Variants in FAP observed in about 807,000 individuals in gnomAD.
The protein encoded by FAP is prolyl endopeptidase FAP.
A neutral mutation model predicts 126.5 loss-of-function variants in FAP; 110 were observed. That is an observed-to-expected ratio of 0.87 (90% CI 0.74 to 1.02). The LOEUF (loss-of-function observed/expected upper bound fraction) is 1.02. FAP is among the 50% of genes least tolerant of loss of function. The pLI, the probability that FAP is intolerant of heterozygous loss-of-function variation, is 0.00. For missense variants in FAP, 919 were observed against 909.2 expected (o/e 1.01, Z -0.14); for synonymous variants, 334 against 297.3 (o/e 1.12, Z -1.27).
intron 17 of FAP, among the ~76,000 whole-genome samples, chr2:162,192,405 C>T (rs1456596139): frequency 6.6e-6 from 1 of 151,996 alleles, no homozygotes; most frequent in Non-Finnish European, 1.5e-5. Context: ...TCCACAATAC[C>T]ATACTCTCAA....
At chr2:162,205,080 TTTGGCC>T (rs1688652233) in intron 12 of FAP, among the ~76,000 whole-genome samples, 2 of 152,166 alleles carry the variant, frequency 1.3e-5, no homozygotes, top group African/African-American at 4.8e-5. Flanking sequence ...TGCTTCTGCG[TTTGGCC>T]TATAAAAGGT....
chr2:162,193,280 C>T (rs747574906), intron 17 of FAP, among the ~76,000 whole-genome samples: 3 of 152,052 alleles, frequency 2.0e-5, no homozygotes, highest in South Asian at 2.1e-4. Flanking sequence ...CCTGGGAATC[C>T]GTATTTATAA....
rs780191519 is a variant in FAP, at chr2:162,188,311, T to C, written c.1672A>G (p.Ile558Val). 2.5e-6 allele frequency: 4 copies of C among 1,613,042 alleles called. No homozygotes were observed. ...CCTTCCTTACTTGCAAGATAAGATA[T>C]CCAATTAACAGCAAATACAGACCTT... ...SVRSVFAVNW[I>V]SYLASKEGMV... Residue 558 changes from isoleucine to valine, a missense_variant, in exon 20 of 26, where the codon ATA becomes GTA. Coordinates refer to ENST00000188790, the MANE Select transcript of FAP (RefSeq NM_004460.5).
chr2:162,214,116 T>C, intron 10 of FAP, 43 bp from the exon 11 acceptor site: 1 of 1,598,228 alleles, frequency 6.3e-7, no homozygotes, highest in Non-Finnish European at 8.5e-7. Context: ...CATAAACCAG[T>C]TTCACACACA....
rs565649871 is a variant in FAP, at chr2:162,223,582, A to G, written c.413+26T>C. Reference sequence around the variant, plus strand: ...AACATTCTAGGTATTAGATTTAAGTAGTATTAATAAACAGAGGTGATTTAC... The same window carrying G: ...AACATTCTAGGTATTAGATTTAAGTGGTATTAATAAACAGAGGTGATTTAC... On this transcript the variant is annotated intron_variant, in intron 6 of 25. Transcript: ENST00000188790. 3 of 1,379,290 alleles carry G rather than the reference A, an allele frequency of 2.2e-6. No individual in the cohort carries two copies. The South Asian group carries it at 3.5e-5, about 16-fold the overall frequency. The allele number at this position is 1,379,290 out of a possible 1,614,324, so 85.4% of individuals were successfully genotyped here. A position where few individuals can be genotyped will look rare whatever the true frequency, so the allele number is the denominator to read the frequency against.
chr2:162,188,409 A>T, intron 19 of FAP, 46 bp from the exon 20 acceptor site: 1 of 1,545,982 alleles, frequency 6.5e-7, no homozygotes, highest in Non-Finnish European at 8.9e-7. Context: ...TGCTTTGTAA[A>T]ACTCAATTTC....
chr2:162,190,470 A>C (rs879740735), intron 17 of FAP, among the ~76,000 whole-genome samples: 2 of 152,060 alleles, frequency 1.3e-5, no homozygotes, highest in African/African-American at 2.4e-5. Context: ...AAAACCTGCT[A>C]TTTATACTTG....
Position 162,242,946 on chromosome 2 carries a change from G to A in FAP, c.53C>T (p.Ala18Val), listed in dbSNP as rs764434739. ...VFGVATSAVLALLVMCIVLRP... is the reference protein window; with the variant it reads ...VFGVATSAVLVLLVMCIVLRP... The stretch of plus-strand genomic sequence containing the variant: ...TAAGACAATGCACATCACCAATAAG[G>A]CAAGCACAGCAGAGGTGGCAACTCC... Residue 18 changes from alanine (A) to valine (V), a missense_variant, in exon 2 of 26, where the codon GCC (alanine) becomes GTC (valine). Transcript: ENST00000188790. 6.2e-7 allele frequency: 1 copy of A among 1,613,138 alleles called. No homozygotes were observed. Among genetic ancestry groups the A allele is most frequent in the Admixed American group, 1.7e-5 (1 of 59,860 alleles).
At position 162,170,934 on chromosome 2, in the gene FAP, T is replaced by C. The variant is rs780601081; in HGVS notation, c.*45A>G. On this transcript the variant is annotated 3_prime_UTR_variant, in exon 26 of 26. Transcript: ENST00000188790. ...ATAAGCAAACTGTCTGAGGGGTTTA[T>C]ATAAGGTTTTCAGATTCTGATACAG... 7.0e-7 allele frequency: 1 copy of C among 1,420,902 alleles called. No homozygotes were observed. Among genetic ancestry groups the C allele is most frequent in the Non-Finnish European group, 9.9e-7 (1 of 1,005,948 alleles). 88.0% of individuals were successfully genotyped at this position (1,420,902 alleles called of 1,614,324 possible). A position where few individuals can be genotyped will look rare whatever the true frequency, so the allele number is the denominator to read the frequency against.
At chr2:162,193,274 G>T (rs910517232) in intron 17 of FAP, among the ~76,000 whole-genome samples, 2 of 152,120 alleles carry the variant, frequency 1.3e-5, no homozygotes, top group South Asian at 4.1e-4. Context: ...GGAAGTCCTG[G>T]GAATCCGTAT....
intron 2 of FAP, among the ~76,000 whole-genome samples, chr2:162,241,308 G>A (rs996889017): frequency 1.3e-5 from 2 of 152,046 alleles, no homozygotes; most frequent in Admixed American, 6.5e-5. Context: ...TATAGTTTAC[G>A]ACGTATATTT....
intron 20 of FAP, 163 bp from the exon 21 acceptor site, chr2:162,183,631 TATC>T (rs1215608500): frequency 3.5e-6 from 2 of 578,452 alleles, no homozygotes; most frequent in Admixed American, 3.2e-5. Flanking sequence ...AAAATAATAT[TATC>T]ATGTTTTCTG....
intron 2 of FAP, 98 bp downstream of exon 2, chr2:162,242,810 C>T: frequency 1.2e-6 from 1 of 842,840 alleles, no homozygotes; most frequent in Non-Finnish European, 1.9e-6. Flanking sequence ...TACTTTGGAA[C>T]ATAAGCACTT....
chr2:162,200,499 G>A (rs1688453814), intron 15 of FAP, 67 bp downstream of exon 15: 1 of 848,106 alleles, frequency 1.2e-6, no homozygotes, highest in Non-Finnish European at 1.9e-6. Context: ...GCATCTCCTG[G>A]GGATGATGAC....
In FAP at chr2:162,198,804, G is replaced by C. The variant is rs777507452; in HGVS notation, c.1355C>G (p.Thr452Arg). The C allele has an allele frequency of 1.9e-6, 3 of 1,614,086 alleles. No homozygotes were observed. The highest frequency in any genetic ancestry group is 8.5e-7 in the Non-Finnish European group (1 of 1,179,956). The change falls in exon 16 of 26, where the codon ACA (threonine) becomes AGA (arginine). Residue 452 changes from threonine to arginine, a missense_variant. Coordinates refer to ENST00000188790, the MANE Select transcript of FAP (RefSeq NM_004460.5). ...CTTGGCGTAGTCGCTGAAACTTGCTGTGTAATATTGGCACCTTTCTTTCCT... is the reference window on the plus strand; with the variant it reads ...CTTGGCGTAGTCGCTGAAACTTGCTCTGTAATATTGGCACCTTTCTTTCCT... The part of the protein sequence containing the change: ...HLRKERCQYY[T>R]ASFSDYAKYY...
intron 12 of FAP, 24 bp downstream of exon 12, chr2:162,209,928 A>G (rs1310502993): frequency 6.2e-7 from 1 of 1,606,508 alleles, no homozygotes; most frequent in Non-Finnish European, 8.5e-7. Flanking sequence ...ATTAAAACAT[A>G]AGAAAAAGAT....
chr2:162,177,673 G>A (rs997766727), intron 21 of FAP, among the ~76,000 whole-genome samples: 6 of 151,906 alleles, frequency 3.9e-5, no homozygotes, highest in South Asian at 2.1e-4. Context: ...TTTCCATAGC[G>A]CTTAACGTCA....
At chr2:162,197,191 C>G (rs994325113) in intron 16 of FAP, among the ~76,000 whole-genome samples, 5 of 152,170 alleles carry the variant, frequency 3.3e-5, no homozygotes, top group African/African-American at 1.2e-4. Flanking sequence ...CTGCAAGGGA[C>G]AGCAATGTTA....
In FAP at chr2:162,198,827, C is replaced by T. The variant is rs267598946; in HGVS notation, c.1332G>A (p.Arg444=). 2 of 1,613,838 alleles carry T rather than the reference C, an allele frequency of 1.2e-6. No homozygotes were observed. The highest frequency in any genetic ancestry group is 1.7e-6 in the Non-Finnish European group (2 of 1,179,798). ...PSKKCVTCHL[R]KERCQYYTAS... is the part of the protein sequence containing the mutation. Reference sequence around the variant, plus strand: ...CTGTGTAATATTGGCACCTTTCTTTCCTTAGATGGCAAGTAACACACTTCT... The same window carrying T: ...CTGTGTAATATTGGCACCTTTCTTTTCTTAGATGGCAAGTAACACACTTCT... The change falls in exon 16 of 26, where the codon AGG becomes AGA. Residue 444 remains arginine, a synonymous_variant. Transcript: ENST00000188790.
Sources: gnomAD v4.1 joint callset for allele counts (sites outside exome capture counted in the v4.1 genomes callset) on GRCh38, gnomAD v4.1.1 for gene constraint, MANE v1.5 for transcripts, NCBI Gene and HGNC (gene_info 2026-07-23, HGNC 2026-07-21) for gene names.